The following PLA2G4A variants were observed in gnomAD, a reference collection of about 807,000 sequenced individuals.
PLA2G4A encodes the protein cytosolic phospholipase A2.
PLA2G4A carries 40 observed loss-of-function variants against 81.9 expected under a neutral mutation model. The observed-to-expected ratio is 0.49, with a 90% CI of 0.38 to 0.64. The LOEUF is 0.64. Ranked by LOEUF, PLA2G4A falls within the 30% of genes least tolerant of loss-of-function variation. The pLI, the probability that PLA2G4A is intolerant of heterozygous loss-of-function variation, is 0.00. For missense variants in PLA2G4A, 715 were observed against 905.1 expected (o/e 0.79, Z 2.69); for synonymous variants, 302 against 296.9 (o/e 1.02, Z -0.18).
At chr1:186,932,266 T>C (rs1655773805) in intron 7 of PLA2G4A, among the ~76,000 whole-genome samples, 1 of 151,560 alleles carries the variant, frequency 6.6e-6, no homozygotes, top group Non-Finnish European at 1.5e-5. Flanking sequence ...TTTTTTTATT[T>C]TCTTATATGA....
chr1:186,879,047 A>G (rs1045644245), intron 3 of PLA2G4A, among the ~76,000 whole-genome samples: 3 of 151,936 alleles, frequency 2.0e-5, no homozygotes, highest in Non-Finnish European at 4.4e-5. Flanking sequence ...TCTTAAAAAT[A>G]AAAATTAGGT....
At chr1:186,877,744 T>A (rs1653558976) in intron 3 of PLA2G4A, among the ~76,000 whole-genome samples, 1 of 148,032 alleles carries the variant, frequency 6.8e-6, no homozygotes, top group African/African-American at 2.5e-5. Context: ...GAAGCTTAAT[T>A]CTGATTCTGG....
chr1:186,964,160 T>C (rs1657051569), intron 14 of PLA2G4A, among the ~76,000 whole-genome samples: 2 of 152,210 alleles, frequency 1.3e-5, no homozygotes, highest in African/African-American at 2.4e-5. Context: ...TCTACTATCA[T>C]AGGCCTCCCT....
intron 1 of PLA2G4A, among the ~76,000 whole-genome samples, chr1:186,844,386 T>C (rs1417014848): frequency 6.6e-6 from 1 of 152,202 alleles, no homozygotes; most frequent in African/African-American, 2.4e-5. Context: ...CTATATATCA[T>C]TATAAGAATG....
intron 2 of PLA2G4A, among the ~76,000 whole-genome samples, chr1:186,869,365 A>G (rs1317259911): frequency 6.6e-6 from 1 of 152,074 alleles, no homozygotes; most frequent in Non-Finnish European, 1.5e-5. Flanking sequence ...AAAGATTTTT[A>G]TGCTTCCCTG....
chr1:186,882,230 G>A (rs929362580), intron 3 of PLA2G4A, among the ~76,000 whole-genome samples: 11 of 152,086 alleles, frequency 7.2e-5, no homozygotes, highest in African/African-American at 2.7e-4. Context: ...ATTTAAAGTT[G>A]CCAGTTTCAC....
chr1:186,857,506 A>C (rs992083015), intron 2 of PLA2G4A, among the ~76,000 whole-genome samples: 1 of 138,932 alleles, frequency 7.2e-6, no homozygotes, highest in South Asian at 2.1e-4. Context: ...TATACTATAT[A>C]TAATATATAA....
intron 16 of PLA2G4A, among the ~76,000 whole-genome samples, 192 bp downstream of exon 16, chr1:186,977,980 G>T (rs1194386430): frequency 1.3e-5 from 2 of 152,060 alleles, no homozygotes; most frequent in East Asian, 3.8e-4. Context: ...CCCCTGACTT[G>T]CTCACAGTTC....
Position 186,930,991 on chromosome 1 carries a change from T to C in PLA2G4A, c.559-1772T>C, listed in dbSNP as rs11805429. On this transcript the variant is annotated intron_variant, in intron 7 of 17. Coordinates refer to ENST00000367466, the MANE Select transcript of PLA2G4A (RefSeq NM_024420.3). ...ACTCAACCCCCTTTCAAGACTGAAT[T>C]CAAATCCCTCCTCTTCATTCTAACT... Among the ~76,000 whole-genome samples, 1,181 of 152,204 alleles carry C rather than the reference T, an allele frequency of 7.8e-3. 19 individuals are homozygous for C. The highest frequency in any genetic ancestry group is 0.027 in the African/African-American group (1,117 of 41,516).
At chr1:186,852,865 A>G (rs1052764852) in intron 1 of PLA2G4A, among the ~76,000 whole-genome samples, 6 of 152,022 alleles carry the variant, frequency 3.9e-5, no homozygotes, top group African/African-American at 1.4e-4. Flanking sequence ...AGAAAACGCA[A>G]AACAAAGATT....
intron 7 of PLA2G4A, among the ~76,000 whole-genome samples, chr1:186,924,219 G>A (rs1655464467): frequency 6.6e-6 from 1 of 152,100 alleles, no homozygotes; most frequent in African/African-American, 2.4e-5. Context: ...AGAAAATAAA[G>A]AACAAAAAAC....
chr1:186,967,195 T>G (rs538520919), intron 15 of PLA2G4A, among the ~76,000 whole-genome samples: 1 of 152,150 alleles, frequency 6.6e-6, no homozygotes. Flanking sequence ...TTATAATAAC[T>G]CTTAAATATA....
chr1:186,865,296 A>G (rs1465558100), intron 2 of PLA2G4A, among the ~76,000 whole-genome samples: 1 of 151,922 alleles, frequency 6.6e-6, no homozygotes, highest in Admixed American at 6.6e-5. Context: ...TGGCCAACCC[A>G]TGTCTGAGAA....
chr1:186,865,009 C>T (rs561957217), intron 2 of PLA2G4A, among the ~76,000 whole-genome samples: 6 of 150,376 alleles, frequency 4.0e-5, no homozygotes, highest in African/African-American at 9.7e-5. Flanking sequence ...AGGCTGAGGT[C>T]GGAAGATCAT....
chr1:186,887,870 C>A (rs1215848521), intron 3 of PLA2G4A, among the ~76,000 whole-genome samples: 1 of 152,160 alleles, frequency 6.6e-6, no homozygotes, highest in Non-Finnish European at 1.5e-5. Flanking sequence ...TGCAAAGAAA[C>A]TGAGCTATGT....
At chr1:186,971,141 T>C (rs896143433) in intron 15 of PLA2G4A, among the ~76,000 whole-genome samples, 2 of 151,950 alleles carry the variant, frequency 1.3e-5, no homozygotes, top group African/African-American at 4.8e-5. Context: ...CCCCATAGAC[T>C]TTTTTGGCAT....
intron 5 of PLA2G4A, 63 bp from the exon 6 acceptor site, chr1:186,906,902 G>T: frequency 2.4e-6 from 2 of 827,976 alleles, no homozygotes; most frequent in East Asian, 2.5e-5. Context: ...TTTTGAGTTT[G>T]TTTCCATGAT....
chr1:186,924,507 T>G (rs981939243), intron 7 of PLA2G4A, among the ~76,000 whole-genome samples: 3 of 152,200 alleles, frequency 2.0e-5, no homozygotes, highest in African/African-American at 4.8e-5. Flanking sequence ...CTTCTTCATC[T>G]GAGCGTTCCT....
chr1:186,932,770 T>C lies in PLA2G4A; in HGVS notation c.566T>C (p.Val189Ala). Residue 189 changes from valine (V) to alanine (A), a missense_variant, in exon 8 of 18, where the codon GTG (valine) becomes GCG (alanine). Physicochemically the swap from Val to Ala is moderately conservative, Grantham distance 64. Coordinates refer to ENST00000367466, the MANE Select transcript of PLA2G4A (RefSeq NM_024420.3). ...EGLHSARDVP[V>A]VAILGSGGGF... ...TCTGTTGCATCGTTTCAGGTGCCTG[T>C]GGTAGCCATATTGGGTTCAGGTGGG... The C allele has an allele frequency of 6.2e-7, 1 of 1,613,822 alleles. No individual in the cohort carries two copies. Among genetic ancestry groups the C allele is most frequent in the Non-Finnish European group, 8.5e-7 (1 of 1,179,714 alleles).
Sources: gnomAD v4.1 joint callset for allele counts (sites outside exome capture counted in the v4.1 genomes callset) on GRCh38, gnomAD v4.1.1 for gene constraint, MANE v1.5 for transcripts, NCBI Gene and HGNC (gene_info 2026-07-23, HGNC 2026-07-21) for gene names.